Variants in SP3 observed in about 807,000 individuals in gnomAD.
SP3 encodes the protein transcription factor Sp3.
Under a neutral mutation model 70.3 loss-of-function variants are expected in SP3, and 10 were observed. The ratio of observed to expected loss-of-function variants is 0.14; its 90% CI spans 0.09 to 0.24. SP3 has a LOEUF of 0.24. Among genes scored for constraint, SP3 ranks in the 10% least tolerant of loss-of-function variants. The pLI is 1.00. For missense variants in SP3, 825 were observed against 914.6 expected (o/e 0.90, Z 1.26); for synonymous variants, 402 against 333.5 (o/e 1.21, Z -2.24).
At chr2:173,921,348 T>G (rs941314921) in intron 4 of SP3, among the ~76,000 whole-genome samples, 4 of 152,232 alleles carry the variant, frequency 2.6e-5, no homozygotes, top group Admixed American at 2.6e-4. Flanking sequence ...GGCTACGATG[T>G]GCCAGTCACT....
rs752542663 is a variant in SP3, at chr2:173,956,149, A to G, written c.363T>C (p.Asp121=). 6.2e-7 allele frequency: 1 copy of G among 1,614,180 alleles called. No homozygotes were observed. The highest frequency in any genetic ancestry group is 1.1e-5 in the South Asian group (1 of 91,086). ...GAATCTGGACTAGATTACCAGCTTC[A>G]TCTTTTATAGTTGTAGGTGTGGCTG... is the stretch of plus-strand genomic sequence containing the variant. ...VLSATPTTIK[D]EAGNLVQIPS... The change falls in exon 4 of 7, where the codon GAT becomes GAC. Residue 121 remains aspartate, a synonymous_variant. Coordinates refer to ENST00000310015, the MANE Select transcript of SP3 (RefSeq NM_003111.5).
chr2:173,965,212 T>C lies in SP3; in HGVS notation c.-41A>G, dbSNP rs758214915. 1.5e-5 allele frequency: 23 copies of C among 1,541,532 alleles called. No homozygotes were observed. Among genetic ancestry groups the C allele is most frequent in the Non-Finnish European group, 2.0e-5 (23 of 1,142,214 alleles). On this transcript the variant is annotated 5_prime_UTR_variant, in exon 1 of 7. Coordinates refer to ENST00000310015, the MANE Select transcript of SP3 (RefSeq NM_003111.5). ...CCTCAGGCGGGGCTCCCCGCCGCCTTACACATGGTGAGGAGCGAAGGCGGC... is the reference window on the plus strand; with the variant it reads ...CCTCAGGCGGGGCTCCCCGCCGCCTCACACATGGTGAGGAGCGAAGGCGGC...
At chr2:173,956,885 C>T (rs1025380319) in intron 3 of SP3, among the ~76,000 whole-genome samples, 1 of 152,164 alleles carries the variant, frequency 6.6e-6, no homozygotes, top group African/African-American at 2.4e-5. Flanking sequence ...AGGATACACA[C>T]TGTGACTTTA....
At chr2:173,926,213 C>T (rs1689904438) in intron 4 of SP3, among the ~76,000 whole-genome samples, 1 of 152,110 alleles carries the variant, frequency 6.6e-6, no homozygotes, top group South Asian at 2.1e-4. Flanking sequence ...AGTCTAACTA[C>T]TTGAGGACAA....
chr2:173,949,535 A>C (rs749020480), intron 4 of SP3, among the ~76,000 whole-genome samples: 3 of 152,186 alleles, frequency 2.0e-5, no homozygotes, highest in Non-Finnish European at 2.9e-5. Context: ...AGAATAGTAA[A>C]TAGATTAATG....
intron 4 of SP3, among the ~76,000 whole-genome samples, chr2:173,924,826 A>T (rs1336009026): frequency 6.6e-6 from 1 of 152,236 alleles, no homozygotes; most frequent in Non-Finnish European, 1.5e-5. Context: ...TTTTAGTTTA[A>T]TTAAATCAAA....
chr2:173,957,251 G>T (rs758981176), intron 3 of SP3, among the ~76,000 whole-genome samples: 2 of 152,020 alleles, frequency 1.3e-5, no homozygotes, highest in Admixed American at 1.3e-4. Flanking sequence ...AAATACACAC[G>T]TGAGTAAACC....
chr2:173,964,900 G>A (rs1691242913), intron 1 of SP3: 4 of 503,572 alleles, frequency 7.9e-6, no homozygotes, highest in South Asian at 2.8e-5. Context: ...GCCCGCCCGC[G>A]CCCGCACACA....
At chr2:173,921,153 C>T (rs151178567) in intron 4 of SP3, among the ~76,000 whole-genome samples, 321 of 152,120 alleles carry the variant, frequency 2.1e-3, no homozygotes, top group African/African-American at 6.7e-3. Context: ...AATATTTTAA[C>T]GTAATTTATA....
intron 4 of SP3, among the ~76,000 whole-genome samples, chr2:173,935,126 T>C (rs575972135): frequency 5.3e-5 from 8 of 152,216 alleles, no homozygotes; most frequent in African/African-American, 1.7e-4. Flanking sequence ...ATGCCTGTAA[T>C]TGGAGGCCGA....
intron 4 of SP3, among the ~76,000 whole-genome samples, chr2:173,940,034 C>G (rs991604162): frequency 2.6e-5 from 4 of 151,952 alleles, no homozygotes; most frequent in Non-Finnish European, 5.9e-5. Flanking sequence ...TTACTGTGAC[C>G]AGCTAATTTT....
At chr2:173,935,466 G>A (rs1222391693) in intron 4 of SP3, among the ~76,000 whole-genome samples, 1 of 152,098 alleles carries the variant, frequency 6.6e-6, no homozygotes, top group East Asian at 1.9e-4. Flanking sequence ...AATGCCAAAT[G>A]TCAGGGGAAA....
chr2:173,955,579 C>T lies in SP3; in HGVS notation c.933G>A (p.Arg311=), dbSNP rs1387496929. 1.2e-6 allele frequency: 2 copies of T among 1,613,936 alleles called. No individual in the cohort carries two copies. Among genetic ancestry groups the T allele is most frequent in the Non-Finnish European group, 8.5e-7 (1 of 1,180,050 alleles). The change falls in exon 4 of 7, where the codon AGG becomes AGA. Residue 311 remains arginine, a synonymous_variant. Coordinates refer to ENST00000310015, the MANE Select transcript of SP3 (RefSeq NM_003111.5). ...QAMDSSDNSE[R]TGERVSPDIN... ...TATCAGGAGAAACCCGCTCACCAGT[C>T]CTTTCTGAATTGTCTGAACTATCCA...
intron 4 of SP3, among the ~76,000 whole-genome samples, chr2:173,950,372 T>C (rs1690676989): frequency 6.6e-6 from 1 of 151,826 alleles, no homozygotes. Context: ...TACATTAATG[T>C]CATGCTTATC....
At chr2:173,924,458 A>G (rs191718956) in intron 4 of SP3, among the ~76,000 whole-genome samples, 220 of 152,372 alleles carry the variant, frequency 1.4e-3, no homozygotes, top group Non-Finnish European at 2.3e-3. Flanking sequence ...AGCCCCTGTT[A>G]AGGGGACTCC....
At chr2:173,948,649 GAGATA>G (rs1195508583) in intron 4 of SP3, among the ~76,000 whole-genome samples, 1 of 152,046 alleles carries the variant, frequency 6.6e-6, no homozygotes, top group South Asian at 2.1e-4. Flanking sequence ...TTATTCCTAA[GAGATA>G]AGAGAAAATT....
rs950812564 is a variant in SP3 at position 173,903,689 on chromosome 2, A to G, written c.*6252T>C. On this transcript the variant is annotated 3_prime_UTR_variant, in exon 7 of 7. Coordinates refer to ENST00000310015, the MANE Select transcript of SP3 (RefSeq NM_003111.5). ...CATAGAAACACAGGCTAATGCTGGC[A>G]GAAAGTCAGTATTCCACAAGACCAA... Among the ~76,000 whole-genome samples, 3 of 152,216 alleles carry G rather than the reference A, an allele frequency of 2.0e-5. No homozygotes were observed. The highest frequency in any genetic ancestry group is 7.2e-5 in the African/African-American group (3 of 41,458).
rs1176443496 is a variant in SP3 at position 173,904,820 on chromosome 2, T to A, written c.*5121A>T. ...CAATACTTCCTGTATTTCGTTGTTG[T>A]CGATTAATCGGAGGCTTAGACTTTT... On this transcript the variant is annotated 3_prime_UTR_variant, in exon 7 of 7. Transcript: ENST00000310015. Among the ~76,000 whole-genome samples, 1 of 152,216 alleles carries A rather than the reference T, an allele frequency of 6.6e-6. No individual in the cohort carries two copies. The highest frequency in any genetic ancestry group is 2.4e-5 in the African/African-American group (1 of 41,444).
At chr2:173,954,686 A>C (rs991132558) in intron 4 of SP3, among the ~76,000 whole-genome samples, 187 bp downstream of exon 4, 1 of 152,196 alleles carries the variant, frequency 6.6e-6, no homozygotes, top group African/African-American at 2.4e-5. Flanking sequence ...AACTTCAAAA[A>C]CTACAAACTT....
Sources: allele counts gnomAD v4.1 joint callset (sites outside exome capture counted in the v4.1 genomes callset), GRCh38; gene constraint gnomAD v4.1.1; transcripts MANE v1.5; gene names NCBI Gene and HGNC (gene_info 2026-07-23, HGNC 2026-07-21).